The following PXDNL variants were observed in gnomAD, a reference collection of about 807,000 sequenced individuals.
PXDNL encodes peroxidasin like.
In PXDNL, 145 loss-of-function variants were observed where a neutral mutation model predicts 150.8. The observed-to-expected ratio is 0.96, with a 90% CI of 0.84 to 1.10. The LOEUF (loss-of-function observed/expected upper bound fraction) is 1.10, where lower values mean the gene tolerates loss of function less well. PXDNL is among the 50% of genes least tolerant of loss of function. The pLI is 0.00. For synonymous variants in PXDNL, 757 were observed against 725.7 expected, an observed-to-expected ratio of 1.04 and a Z score of -0.69; for missense variants, 2,087 against 1,873.9, an observed-to-expected ratio of 1.11 and a Z score of -2.10.
chr8:51,519,532 T>TA (rs11318210), intron 4 of PXDNL, among the ~76,000 whole-genome samples: 46 of 149,364 alleles, frequency 3.1e-4, no homozygotes, highest in Admixed American at 1.7e-3. Flanking sequence ...GACACCATCT[T>TA]AAAAAAAAAC....
intron 21 of PXDNL, among the ~76,000 whole-genome samples, chr8:51,329,812 A>G (rs1186325328): frequency 6.6e-6 from 1 of 152,240 alleles, no homozygotes; most frequent in African/African-American, 2.4e-5. Context: ...AATAAAACCA[A>G]TAAGACGTGA....
chr8:51,544,415 C>A (rs761169990), intron 4 of PXDNL, among the ~76,000 whole-genome samples: 1 of 152,180 alleles, frequency 6.6e-6, no homozygotes, highest in Non-Finnish European at 1.5e-5. Flanking sequence ...TCTGCACTGA[C>A]ACAATCAATA....
chr8:51,402,732 C>T (rs776559276), intron 17 of PXDNL, among the ~76,000 whole-genome samples: 2 of 152,158 alleles, frequency 1.3e-5, no homozygotes, highest in Non-Finnish European at 1.5e-5. Context: ...AACTGATCTT[C>T]ACCTTCTGCT....
chr8:51,705,472 G>A (rs1434618006), intron 1 of PXDNL, among the ~76,000 whole-genome samples: 1 of 152,152 alleles, frequency 6.6e-6, no homozygotes, highest in East Asian at 1.9e-4. Flanking sequence ...AGCTTCATGG[G>A]AAGCTCATGG....
intron 12 of PXDNL, among the ~76,000 whole-genome samples, chr8:51,427,689 G>A (rs74625433): frequency 0.016 from 2,376 of 152,196 alleles, 49 homozygotes; most frequent in East Asian, 0.082. Flanking sequence ...TATATTCAAC[G>A]CTCATTATGA....
chr8:51,683,365 T>C (rs1294171262), intron 1 of PXDNL, among the ~76,000 whole-genome samples: 1 of 151,334 alleles, frequency 6.6e-6, no homozygotes, highest in Non-Finnish European at 1.5e-5. Context: ...GCTATTTGTA[T>C]GTCTTCTTTG....
chr8:51,358,360 G>T (rs890471781), intron 19 of PXDNL, among the ~76,000 whole-genome samples: 3 of 152,068 alleles, frequency 2.0e-5, no homozygotes, highest in African/African-American at 7.2e-5. Flanking sequence ...GAGCTTTTTC[G>T]TCTTCAAAGA....
intron 4 of PXDNL, among the ~76,000 whole-genome samples, chr8:51,556,407 G>A (rs1290474421): frequency 6.6e-6 from 1 of 152,108 alleles, no homozygotes; most frequent in East Asian, 1.9e-4. Flanking sequence ...TCAGTTAAAA[G>A]CTTGAACTTG....
chr8:51,407,035 A>G (rs1046813166), intron 17 of PXDNL, among the ~76,000 whole-genome samples: 2 of 152,192 alleles, frequency 1.3e-5, no homozygotes, highest in African/African-American at 4.8e-5. Flanking sequence ...AGAAGGTGCT[A>G]CTTTCTCATT....
intron 1 of PXDNL, among the ~76,000 whole-genome samples, chr8:51,698,979 T>C (rs1375992889): frequency 6.6e-6 from 1 of 152,204 alleles, no homozygotes; most frequent in Non-Finnish European, 1.5e-5. Flanking sequence ...AAATACTCAC[T>C]AAACCTTGCG....
chr8:51,614,439 T>C (rs1268470560), intron 2 of PXDNL, among the ~76,000 whole-genome samples: 1 of 152,200 alleles, frequency 6.6e-6, no homozygotes, highest in Non-Finnish European at 1.5e-5. Flanking sequence ...CCAATCTGGC[T>C]GTTTCTCTAC....
chr8:51,700,300 C>T (rs1816227417), intron 1 of PXDNL, among the ~76,000 whole-genome samples: 1 of 151,844 alleles, frequency 6.6e-6, no homozygotes, highest in African/African-American at 2.4e-5. Context: ...CACATGTACA[C>T]ATGTATACAC....
chr8:51,662,504 C>A (rs895110809), intron 1 of PXDNL, among the ~76,000 whole-genome samples: 1 of 151,894 alleles, frequency 6.6e-6, no homozygotes, highest in African/African-American at 2.4e-5. Context: ...GAGTGAGACT[C>A]CATCTCAAAA....
In PXDNL at chr8:51,569,071, C is replaced by A. The variant is rs528648393; in HGVS notation, c.309-12160G>T. On this transcript the variant is annotated intron_variant, in intron 3 of 22. Transcript: ENST00000356297. ...TGTTTGAAATTCCTGAGTGAGCATT[C>A]CAAAATCTCTGCCGAATCTGAGTCT... Among the ~76,000 whole-genome samples, 3 of 151,996 alleles carry A rather than the reference C, an allele frequency of 2.0e-5. No individual in the cohort carries two copies. The East Asian group carries it at 5.8e-4, about 30-fold the overall frequency.
At chr8:51,405,051 GC>G (rs1808397690) in intron 17 of PXDNL, among the ~76,000 whole-genome samples, 1 of 152,192 alleles carries the variant, frequency 6.6e-6, no homozygotes, top group Admixed American at 6.5e-5. Flanking sequence ...TGGCCCGGGT[GC>G]TAAGCCCCTC....
intron 19 of PXDNL, among the ~76,000 whole-genome samples, chr8:51,364,813 C>T (rs1806865325): frequency 6.6e-6 from 1 of 152,152 alleles, no homozygotes; most frequent in Admixed American, 6.5e-5. Flanking sequence ...AAATGGGCAT[C>T]TTTTGTTAGG....
intron 12 of PXDNL, among the ~76,000 whole-genome samples, chr8:51,438,462 A>T (rs761977157): frequency 1.3e-5 from 2 of 152,212 alleles, no homozygotes; most frequent in African/African-American, 2.4e-5. Context: ...TTATAAAAAT[A>T]GGCACATATT....
At chr8:51,394,764 G>A (rs187179722) in intron 17 of PXDNL, among the ~76,000 whole-genome samples, 8 of 152,286 alleles carry the variant, frequency 5.3e-5, no homozygotes, top group African/African-American at 1.9e-4. Flanking sequence ...CATTCATAGT[G>A]CCCTCTTTTA....
At chr8:51,336,384 T>C (rs1805830627) in intron 21 of PXDNL, among the ~76,000 whole-genome samples, 1 of 152,254 alleles carries the variant, frequency 6.6e-6, no homozygotes, top group Admixed American at 6.5e-5. Context: ...AGAAATTTCC[T>C]TCTCCAGCTA....
Sources: allele counts gnomAD v4.1 joint callset (sites outside exome capture counted in the v4.1 genomes callset), GRCh38; gene constraint gnomAD v4.1.1; transcripts MANE v1.5; gene names NCBI Gene and HGNC (gene_info 2026-07-23, HGNC 2026-07-21).